YEATS2: variants seen among roughly 807,000 people sequenced by gnomAD.
YEATS2 encodes YEATS domain containing 2, also known as YEATS domain-containing protein 2.
In YEATS2, 77 loss-of-function variants were observed where a neutral mutation model predicts 163.2. That is an observed-to-expected ratio of 0.47 (90% CI 0.39 to 0.57). The LOEUF is 0.57. YEATS2 is among the 20% of genes least tolerant of loss of function. The pLI, the probability that YEATS2 is intolerant of heterozygous loss-of-function variation, is 0.00. For synonymous variants in YEATS2, 631 were observed against 645.1 expected (o/e 0.98, Z 0.33); for missense variants, 1,549 against 1,729.8 (o/e 0.90, Z 1.85).
chr3:183,732,411 C>G (rs1717887000), intron 7 of YEATS2, among the ~76,000 whole-genome samples: 1 of 150,516 alleles, frequency 6.6e-6, no homozygotes, highest in Non-Finnish European at 1.5e-5. Flanking sequence ...CAAGATCATG[C>G]CACTGCACTC....
At position 183,811,590 on chromosome 3, in the gene YEATS2, C is replaced by T. The variant is rs535958292; in HGVS notation, c.*1007C>T. 1 of 152,720 alleles carries T rather than the reference C, an allele frequency of 6.5e-6. No individual in the cohort carries two copies. Among genetic ancestry groups the T allele is most frequent in the Non-Finnish European group, 1.5e-5 (1 of 68,082 alleles). The allele number at this position is 152,720 out of a possible 1,614,324, so 9.5% of individuals were successfully genotyped here. A position where few individuals can be genotyped will look rare whatever the true frequency, so the allele number is the denominator to read the frequency against. On this transcript the variant is annotated 3_prime_UTR_variant, in exon 31 of 31. Coordinates refer to ENST00000305135, the MANE Select transcript of YEATS2 (RefSeq NM_018023.5). Reference sequence around the variant, plus strand: ...AGTTGGAGAAGTAACTGCCCATGCCCAGAAATAAGGATGCCAGTGCCCAGA... The same window carrying T: ...AGTTGGAGAAGTAACTGCCCATGCCTAGAAATAAGGATGCCAGTGCCCAGA...
chr3:183,735,247 G>A (rs1336128541), intron 7 of YEATS2, among the ~76,000 whole-genome samples: 1 of 152,152 alleles, frequency 6.6e-6, no homozygotes, highest in Non-Finnish European at 1.5e-5. Flanking sequence ...AGCTTTACTG[G>A]AATTTAAATG....
At chr3:183,762,658 G>A (rs2109354861) in intron 15 of YEATS2, among the ~76,000 whole-genome samples, 1 of 152,082 alleles carries the variant, frequency 6.6e-6, no homozygotes, top group East Asian at 1.9e-4. Flanking sequence ...TGATGTTCGG[G>A]CTGTTACCTG....
intron 4 of YEATS2, among the ~76,000 whole-genome samples, chr3:183,721,316 TC>T: frequency 6.6e-6 from 1 of 152,334 alleles, no homozygotes; most frequent in South Asian, 2.1e-4. Context: ...AAGCTAGGCT[TC>T]CTAGGAACAT....
chr3:183,738,391 CTTTTTTTTTTTT>C (rs1173865612), intron 8 of YEATS2, among the ~76,000 whole-genome samples: 37 of 74,042 alleles, frequency 5.0e-4, no homozygotes, highest in Middle Eastern at 9.8e-3. Context: ...AGGAAAAGTT[CTTTTTTTTTTTT>C]TTTTTTTTTT....
At chr3:183,700,442 G>T (rs930631905) in intron 1 of YEATS2, among the ~76,000 whole-genome samples, 2 of 151,966 alleles carry the variant, frequency 1.3e-5, no homozygotes, top group African/African-American at 4.8e-5. Context: ...TCATTGCCAC[G>T]TTCTTGGATT....
intron 20 of YEATS2, among the ~76,000 whole-genome samples, chr3:183,790,539 T>G (rs1724522083): frequency 6.6e-6 from 1 of 152,208 alleles, no homozygotes; most frequent in Admixed American, 6.5e-5. Context: ...TAATAGGTGG[T>G]GAATTTTAAA....
intron 18 of YEATS2, among the ~76,000 whole-genome samples, chr3:183,777,254 T>A (rs1460786984): frequency 6.6e-6 from 1 of 152,228 alleles, no homozygotes; most frequent in Non-Finnish European, 1.5e-5. Flanking sequence ...AGAAAGATGA[T>A]ATCAGTCTGA....
At chr3:183,808,206 A>G in intron 29 of YEATS2, 102 bp downstream of exon 29, 1 of 947,636 alleles carries the variant, frequency 1.1e-6, no homozygotes, top group Non-Finnish European at 1.6e-6. Flanking sequence ...ACAGGCTTTA[A>G]AATGTCTCGT....
At chr3:183,759,397 A>G (rs545251871) in intron 13 of YEATS2, among the ~76,000 whole-genome samples, 7 of 152,198 alleles carry the variant, frequency 4.6e-5, no homozygotes, top group Non-Finnish European at 8.8e-5. Flanking sequence ...ACTTACTGTG[A>G]TAAGATTATT....
chr3:183,734,340 G>C (rs1264001408), intron 7 of YEATS2, among the ~76,000 whole-genome samples: 2 of 152,134 alleles, frequency 1.3e-5, no homozygotes, highest in East Asian at 3.9e-4. Flanking sequence ...TGGTTCCGTT[G>C]CTTATTTGCT....
chr3:183,764,869 C>T (rs564813607), intron 15 of YEATS2, among the ~76,000 whole-genome samples: 4 of 152,252 alleles, frequency 2.6e-5, no homozygotes, highest in South Asian at 4.2e-4. Flanking sequence ...AGTTTATTAA[C>T]GACTTTCTCA....
intron 7 of YEATS2, among the ~76,000 whole-genome samples, chr3:183,733,137 A>G (rs1717982908): frequency 6.6e-6 from 1 of 152,190 alleles, no homozygotes; most frequent in Non-Finnish European, 1.5e-5. Flanking sequence ...GCCTCATTTC[A>G]TGTTTGATAC....
At chr3:183,741,767 C>T (rs562550264) in intron 8 of YEATS2, among the ~76,000 whole-genome samples, 4 of 151,550 alleles carry the variant, frequency 2.6e-5, no homozygotes, top group East Asian at 2.0e-4. Context: ...GGTGACAGAG[C>T]GAGACTCCAT....
At chr3:183,711,516 G>C (rs1715220792) in intron 1 of YEATS2, among the ~76,000 whole-genome samples, 1 of 151,864 alleles carries the variant, frequency 6.6e-6, no homozygotes, top group South Asian at 2.1e-4. Context: ...TAATAGTTGG[G>C]TTCTGGGCCT....
At position 183,736,713 on chromosome 3, in the gene YEATS2, CA is replaced by C; in HGVS notation, c.813-4del. 1 of 1,610,298 alleles carries C rather than the reference CA, an allele frequency of 6.2e-7. No individual in the cohort carries two copies. The highest frequency in any genetic ancestry group is 8.5e-7 in the Non-Finnish European group (1 of 1,178,516). On this transcript the variant is annotated splice_polypyrimidine_tract_variant and splice_region_variant and intron_variant, in intron 7 of 30. Coordinates refer to ENST00000305135, the MANE Select transcript of YEATS2 (RefSeq NM_018023.5). ...ATGAACGTGTTAATATCTGCTTTTC[CA>C]TAGAGAGCCTCCTTTTCACCTGACC...
Position 183,791,112 on chromosome 3 carries a change from C to A in YEATS2, c.3097+132C>A, listed in dbSNP as rs1023070970. The stretch of plus-strand genomic sequence containing the variant: ...GCAATATCACAATCTCGACTCACTG[C>A]AACCTCTGCCTTCCAGGCTCAAGCC... On this transcript the variant is annotated intron_variant, in intron 21 of 30. Transcript: ENST00000305135. 3.3e-6 allele frequency: 4 copies of A among 1,216,804 alleles called. No homozygotes were observed. In the Admixed American group the frequency reaches 7.8e-5, roughly 24 times the overall value. The allele number at this position is 1,216,804 out of a possible 1,614,324, so 75.4% of individuals were successfully genotyped here.
intron 15 of YEATS2, among the ~76,000 whole-genome samples, chr3:183,762,789 C>G (rs947028897): frequency 1.3e-4 from 20 of 151,728 alleles, no homozygotes; most frequent in African/African-American, 4.8e-4. Flanking sequence ...TGGTGGCTCA[C>G]GCCTGTGATC....
chr3:183,783,096 T>C (rs1715345033), intron 19 of YEATS2, among the ~76,000 whole-genome samples: 1 of 152,268 alleles, frequency 6.6e-6, no homozygotes, highest in African/African-American at 2.4e-5. Flanking sequence ...GCCATGGCTA[T>C]TACTTGTGGA....
Sources: allele counts gnomAD v4.1 joint callset (sites outside exome capture counted in the v4.1 genomes callset), GRCh38; gene constraint gnomAD v4.1.1; transcripts MANE v1.5; gene names NCBI Gene and HGNC (gene_info 2026-07-23, HGNC 2026-07-21).